Variants in DNAJC1 observed in about 807,000 individuals in gnomAD.
DNAJC1 encodes DnaJ heat shock protein family (Hsp40) member C1, also known as dnaJ homolog subfamily C member 1.
In DNAJC1, 58 loss-of-function variants were observed where a neutral mutation model predicts 76.6. The ratio of observed to expected loss-of-function variants is 0.76; its 90% CI spans 0.61 to 0.94. DNAJC1 has a LOEUF of 0.94. Ranked by LOEUF, DNAJC1 falls within the 40% of genes least tolerant of loss-of-function variation. The probability of loss-of-function intolerance (pLI) is 0.00; values close to 1 mark genes in which losing one functional copy is unlikely to be tolerated. For missense variants in DNAJC1, 689 were observed against 677.3 expected (o/e 1.02, Z -0.19); for synonymous variants, 258 against 267.9 (o/e 0.96, Z 0.36).
intron 9 of DNAJC1, among the ~76,000 whole-genome samples, chr10:21,803,079 G>C (rs1489219309): frequency 6.6e-6 from 1 of 152,044 alleles, no homozygotes; most frequent in Admixed American, 6.6e-5. Flanking sequence ...ATCTAACTCT[G>C]CTAATTATGA....
At chr10:21,827,944 T>C (rs1835289602) in intron 8 of DNAJC1, among the ~76,000 whole-genome samples, 2 of 152,210 alleles carry the variant, frequency 1.3e-5, no homozygotes, top group African/African-American at 4.8e-5. Flanking sequence ...GTTTCTCTAG[T>C]GAATGCATTT....
chr10:21,914,622 C>T (rs1187360905), intron 6 of DNAJC1, among the ~76,000 whole-genome samples: 1 of 152,086 alleles, frequency 6.6e-6, no homozygotes, highest in Non-Finnish European at 1.5e-5. Flanking sequence ...AATAGATATA[C>T]TCAGAATCTA....
rs115440290 is a variant in DNAJC1, at chr10:21,863,388, A to T, written c.978+18894T>A. On this transcript the variant is annotated intron_variant, in intron 8 of 11. Transcript: ENST00000376980. Reference sequence around the variant, plus strand: ...AACAATTCATGCCAGCACACTCAACAAGTTAGATGAAATGGTCAGACCTCT... The same window carrying T: ...AACAATTCATGCCAGCACACTCAACTAGTTAGATGAAATGGTCAGACCTCT... Among the ~76,000 whole-genome samples the T allele has an allele frequency of 4.5e-3, 679 of 152,248 alleles. 8 individuals are homozygous for T. The highest frequency in any genetic ancestry group is 0.016 in the African/African-American group (646 of 41,500).
Position 21,983,640 on chromosome 10 carries a change from G to C in DNAJC1, c.222+19573C>G, listed in dbSNP as rs192379576. ...GGAGGCTGAGGCACAAGAATGACTT[G>C]AACCTGGGAGGCAGAGGCTGCAGTG... On this transcript the variant is annotated intron_variant, in intron 1 of 11. Coordinates refer to ENST00000376980, the MANE Select transcript of DNAJC1 (RefSeq NM_022365.4). 2.6e-3 allele frequency among the ~76,000 whole-genome samples: 390 copies of C among 150,782 alleles called. 6 individuals carry two copies. Among genetic ancestry groups the C allele is most frequent in the Admixed American group, 0.024 (363 of 15,102 alleles).
chr10:21,960,232 T>C (rs1216037039), intron 1 of DNAJC1, among the ~76,000 whole-genome samples: 2 of 152,156 alleles, frequency 1.3e-5, no homozygotes, highest in Non-Finnish European at 2.9e-5. Context: ...GGAATTACAA[T>C]TAACATCTTA....
At chr10:21,888,233 T>C (rs1428664329) in intron 7 of DNAJC1, among the ~76,000 whole-genome samples, 1 of 151,968 alleles carries the variant, frequency 6.6e-6, no homozygotes, top group Non-Finnish European at 1.5e-5. Context: ...GGTCAAAAAA[T>C]AACAGATGAT....
chr10:21,870,966 G>A (rs986853771), intron 8 of DNAJC1, among the ~76,000 whole-genome samples: 1 of 96,436 alleles, frequency 1.0e-5, no homozygotes, highest in Non-Finnish European at 2.3e-5. Context: ...GGAACAGAAT[G>A]AACTAACTTG....
chr10:21,856,559 CTG>C (rs1385176037), intron 8 of DNAJC1, among the ~76,000 whole-genome samples: 1 of 152,104 alleles, frequency 6.6e-6, no homozygotes, highest in Non-Finnish European at 1.5e-5. Context: ...ACCATTAAAA[CTG>C]GCAACTGTCA....
chr10:21,774,975 T>C (rs1313715584), intron 9 of DNAJC1, among the ~76,000 whole-genome samples: 1 of 152,204 alleles, frequency 6.6e-6, no homozygotes, highest in African/African-American at 2.4e-5. Flanking sequence ...TTCCTGTTTC[T>C]ACAGAGTCAA....
intron 8 of DNAJC1, among the ~76,000 whole-genome samples, chr10:21,832,710 C>T (rs1260018929): frequency 6.6e-6 from 1 of 152,120 alleles, no homozygotes; most frequent in Non-Finnish European, 1.5e-5. Context: ...AAGACTATTG[C>T]AAAAATCTTC....
At chr10:21,979,051 C>T (rs944961185) in intron 1 of DNAJC1, among the ~76,000 whole-genome samples, 11 of 150,620 alleles carry the variant, frequency 7.3e-5, no homozygotes, top group Non-Finnish European at 1.2e-4. Context: ...TATGTAAGTT[C>T]GACTTGATTT....
chr10:21,765,456 A>G (rs1024274904), intron 10 of DNAJC1, among the ~76,000 whole-genome samples: 10 of 152,332 alleles, frequency 6.6e-5, no homozygotes, highest in African/African-American at 2.4e-4. Flanking sequence ...GTTAGGTTGC[A>G]AAGTTTCTGA....
intron 10 of DNAJC1, among the ~76,000 whole-genome samples, chr10:21,762,226 C>CGTGT (rs1834249664): frequency 6.6e-6 from 1 of 152,166 alleles, no homozygotes; most frequent in Non-Finnish European, 1.5e-5. Flanking sequence ...CATGAGCCAC[C>CGTGT]ACGCCCAGCC....
intron 7 of DNAJC1, among the ~76,000 whole-genome samples, chr10:21,903,062 G>A (rs1166801946): frequency 6.6e-6 from 1 of 152,082 alleles, no homozygotes; most frequent in Non-Finnish European, 1.5e-5. Flanking sequence ...AAGTAGATGG[G>A]ATTACAGGTG....
At chr10:21,988,302 T>C (rs925705349) in intron 1 of DNAJC1, among the ~76,000 whole-genome samples, 7 of 152,110 alleles carry the variant, frequency 4.6e-5, no homozygotes, top group African/African-American at 1.4e-4. Context: ...TTTTAAAAGA[T>C]CATTACACTA....
At chr10:21,945,080 T>A (rs188176669) in intron 1 of DNAJC1, among the ~76,000 whole-genome samples, 1 of 152,298 alleles carries the variant, frequency 6.6e-6, no homozygotes, top group East Asian at 1.9e-4. Flanking sequence ...CATTGGTATA[T>A]GAAGAAAAGT....
chr10:21,809,127 T>A (rs751874896), intron 8 of DNAJC1, among the ~76,000 whole-genome samples: 34 of 152,148 alleles, frequency 2.2e-4, no homozygotes, highest in Non-Finnish European at 4.0e-4. Context: ...TCCTCTATAT[T>A]CTTGGGGTAG....
chr10:21,761,447 T>C (rs1401941661), intron 10 of DNAJC1, among the ~76,000 whole-genome samples: 1 of 150,290 alleles, frequency 6.7e-6, no homozygotes, highest in East Asian at 2.0e-4. Context: ...TAATTCCAGC[T>C]ACTCAGGAGG....
At chr10:21,996,830 G>A (rs941868400) in intron 1 of DNAJC1, among the ~76,000 whole-genome samples, 5 of 152,214 alleles carry the variant, frequency 3.3e-5, no homozygotes, top group African/African-American at 1.2e-4. Context: ...ATCACAAAAA[G>A]AGTGTGTACA....
Sources: allele counts gnomAD v4.1 joint callset (sites outside exome capture counted in the v4.1 genomes callset), GRCh38; gene constraint gnomAD v4.1.1; transcripts MANE v1.5; gene names NCBI Gene and HGNC (gene_info 2026-07-23, HGNC 2026-07-21).